Variants in PTPRD observed in about 807,000 individuals in gnomAD.
PTPRD encodes receptor-type tyrosine-protein phosphatase delta.
PTPRD carries 34 observed loss-of-function variants against 214.5 expected under a neutral mutation model. The observed-to-expected ratio is 0.16, with a 90% CI of 0.12 to 0.21. The LOEUF is 0.21. Among genes scored for constraint, PTPRD ranks in the 10% least tolerant of loss-of-function variants. The probability of loss-of-function intolerance (pLI) is 1.00; values close to 1 mark genes in which losing one functional copy is unlikely to be tolerated. For synonymous variants in PTPRD, 1,128 were observed against 845.7 expected (o/e 1.33, Z -5.79); for missense variants, 2,545 against 2,398.7 (o/e 1.06, Z -1.27).
chr9:9,732,343 A>C (rs1465291045), intron 7 of PTPRD, among the ~76,000 whole-genome samples: 16 of 152,148 alleles, frequency 1.1e-4, no homozygotes, highest in Admixed American at 2.6e-4. Context: ...GTCACATTAA[A>C]AAACAAACAA....
chr9:8,370,460 T>G (rs928655249), intron 39 of PTPRD, among the ~76,000 whole-genome samples: 1 of 152,106 alleles, frequency 6.6e-6, no homozygotes, highest in African/African-American at 2.4e-5. Context: ...TGCGGAATGC[T>G]CTTTGCAAGC....
intron 8 of PTPRD, among the ~76,000 whole-genome samples, chr9:9,464,913 C>T (rs886562791): frequency 2.0e-5 from 3 of 152,100 alleles, no homozygotes; most frequent in Admixed American, 1.3e-4. Context: ...CCAATGCAGG[C>T]GTCTAGAGCA....
chr9:8,478,344 C>T (rs2096808129), intron 30 of PTPRD, among the ~76,000 whole-genome samples: 1 of 152,008 alleles, frequency 6.6e-6, no homozygotes. Flanking sequence ...AGCCATGCTT[C>T]CACAAAAATC....
chr9:10,284,426 T>G (rs1263713908), intron 3 of PTPRD, among the ~76,000 whole-genome samples: 1 of 152,180 alleles, frequency 6.6e-6, no homozygotes, highest in African/African-American at 2.4e-5. Flanking sequence ...AGAAAAACCA[T>G]GTATGTGCAT....
At chr9:9,666,868 T>C (rs543094282) in intron 7 of PTPRD, among the ~76,000 whole-genome samples, 10 of 152,194 alleles carry the variant, frequency 6.6e-5, no homozygotes, top group African/African-American at 1.7e-4. Flanking sequence ...CTTTTTTCCC[T>C]TAATGCTTTA....
At chr9:9,586,643 A>G (rs1175085469) in intron 7 of PTPRD, among the ~76,000 whole-genome samples, 1 of 151,980 alleles carries the variant, frequency 6.6e-6, no homozygotes, top group Non-Finnish European at 1.5e-5. Context: ...AAAAACCCAT[A>G]AATACTCACT....
chr9:8,900,135 T>C (rs2098655735), intron 11 of PTPRD, among the ~76,000 whole-genome samples: 1 of 152,210 alleles, frequency 6.6e-6, no homozygotes, highest in Non-Finnish European at 1.5e-5. Context: ...CGGACTTATA[T>C]GACATACTAT....
At chr9:10,017,529 T>C (rs2096746600) in intron 4 of PTPRD, among the ~76,000 whole-genome samples, 1 of 152,146 alleles carries the variant, frequency 6.6e-6, no homozygotes, top group Admixed American at 6.5e-5. Flanking sequence ...TACAGATATT[T>C]TATTTTTCAT....
intron 7 of PTPRD, among the ~76,000 whole-genome samples, chr9:9,606,547 T>A (rs948039858): frequency 6.6e-6 from 1 of 152,098 alleles, no homozygotes; most frequent in African/African-American, 2.4e-5. Context: ...TTACAATATC[T>A]GGCAATCTTG....
intron 3 of PTPRD, among the ~76,000 whole-genome samples, chr9:10,338,171 G>A (rs2096876353): frequency 6.6e-6 from 1 of 151,534 alleles, no homozygotes; most frequent in Admixed American, 6.6e-5. Flanking sequence ...AGTTATGTTA[G>A]GAAACAGTGC....
At chr9:8,796,979 T>C (rs2096446574) in intron 11 of PTPRD, among the ~76,000 whole-genome samples, 1 of 152,144 alleles carries the variant, frequency 6.6e-6, no homozygotes. Flanking sequence ...AAGTAAAATT[T>C]TCTGTAATCT....
At chr9:10,098,261 C>T (rs933244925) in intron 3 of PTPRD, among the ~76,000 whole-genome samples, 18 of 147,344 alleles carry the variant, frequency 1.2e-4, no homozygotes, top group Non-Finnish European at 2.4e-4. Context: ...CCAAACACCG[C>T]GTGTTCTCAC....
chr9:10,024,245 A>G (rs10958825), intron 4 of PTPRD, among the ~76,000 whole-genome samples: 64,695 of 151,972 alleles, frequency 0.43, 16,271 homozygotes, highest in Middle Eastern at 0.61. Context: ...AATTTATTCT[A>G]AAGTAAGTTT....
intron 3 of PTPRD, among the ~76,000 whole-genome samples, chr9:10,303,411 A>G (rs2095933883): frequency 6.6e-6 from 1 of 151,774 alleles, no homozygotes; most frequent in Admixed American, 6.6e-5. Flanking sequence ...AACTAAGATC[A>G]GAGCAGAACT....
chr9:8,639,678 A>G (rs1802680204), intron 12 of PTPRD, among the ~76,000 whole-genome samples: 1 of 152,184 alleles, frequency 6.6e-6, no homozygotes, highest in South Asian at 2.1e-4. Flanking sequence ...CAATTCTGAC[A>G]ATCTGCAACT....
chr9:9,672,713 C>T (rs2096854642), intron 7 of PTPRD, among the ~76,000 whole-genome samples: 1 of 152,024 alleles, frequency 6.6e-6, no homozygotes, highest in Non-Finnish European at 1.5e-5. Context: ...GAGTTATTAT[C>T]CACCCAGTTT....
At chr9:9,956,855 AATGT>A (rs1202626147) in intron 4 of PTPRD, among the ~76,000 whole-genome samples, 2 of 152,206 alleles carry the variant, frequency 1.3e-5, no homozygotes, top group Non-Finnish European at 2.9e-5. Context: ...AAGCACATAA[AATGT>A]ATGAATAAAT....
At chr9:8,360,945 T>G (rs2078313449) in intron 39 of PTPRD, among the ~76,000 whole-genome samples, 1 of 152,216 alleles carries the variant, frequency 6.6e-6, no homozygotes, top group Admixed American at 6.5e-5. Flanking sequence ...CATCAATTAA[T>G]AATCCATGAT....
At chr9:8,527,186 A>G (rs1217006740) in intron 16 of PTPRD, among the ~76,000 whole-genome samples, 159 bp downstream of exon 16, 1 of 151,966 alleles carries the variant, frequency 6.6e-6, no homozygotes, top group Non-Finnish European at 1.5e-5. Context: ...TTCTTACGAT[A>G]ACAGTTCTGT....
Sources: allele counts gnomAD v4.1 joint callset (sites outside exome capture counted in the v4.1 genomes callset), GRCh38; gene constraint gnomAD v4.1.1; transcripts MANE v1.5; gene names NCBI Gene and HGNC (gene_info 2026-07-23, HGNC 2026-07-21).